STIM2: variants seen among roughly 807,000 people sequenced by gnomAD.
STIM2 encodes stromal interaction molecule 2.
STIM2 carries 31 observed loss-of-function variants against 85.8 expected under a neutral mutation model. The ratio of observed to expected loss-of-function variants is 0.36; its 90% confidence interval spans 0.27 to 0.49. The LOEUF (loss-of-function observed/expected upper bound fraction) is 0.49. Among genes scored for constraint, STIM2 ranks in the 20% least tolerant of loss-of-function variants. STIM2 has a pLI of 0.98. For synonymous variants in STIM2, 356 were observed against 331.1 expected (o/e 1.08, Z -0.82); for missense variants, 841 against 927.6 (o/e 0.91, Z 1.21).
chr4:26,972,234 CT>C (rs1726982215), intron 3 of STIM2, among the ~76,000 whole-genome samples: 1 of 152,146 alleles, frequency 6.6e-6, no homozygotes, highest in Non-Finnish European at 1.5e-5. Flanking sequence ...CCCTTTATTT[CT>C]TTCTCTTGCC....
At position 26,882,401 on chromosome 4, in the gene STIM2, G is replaced by A. The variant is rs543433467; in HGVS notation, c.151+21032G>A. ...AAAGGCCAAGAAGCAATGCCCCCTT[G>A]TAATTCTGGTTTTATCTAGAAACCT... On this transcript the variant is annotated intron_variant, in intron 1 of 11. Transcript: ENST00000467087. 9.1e-4 allele frequency among the ~76,000 whole-genome samples: 138 copies of A among 151,902 alleles called. 1 individual carries two copies. The highest frequency in any genetic ancestry group is 3.2e-3 in the African/African-American group (133 of 41,370).
At chr4:26,873,657 G>T (rs1032604769) in intron 1 of STIM2, 3 of 663,836 alleles carry the variant, frequency 4.5e-6, no homozygotes, top group Non-Finnish European at 5.5e-6. Flanking sequence ...TGAGAGAGAC[G>T]CTCATGTCAC....
intron 10 of STIM2, among the ~76,000 whole-genome samples, chr4:27,009,912 G>A (rs1217442869): frequency 1.3e-5 from 2 of 152,160 alleles, no homozygotes; most frequent in Non-Finnish European, 2.9e-5. Flanking sequence ...TAAAATCCGT[G>A]TTTAATATCT....
intron 2 of STIM2, 94 bp downstream of exon 2, chr4:26,919,728 C>T (rs932629025): frequency 5.4e-5 from 75 of 1,397,582 alleles, no homozygotes; most frequent in Non-Finnish European, 6.5e-5. Flanking sequence ...TCATGTGGCT[C>T]ATTGCCTTCA....
chr4:26,871,464 A>C (rs1560188667), intron 1 of STIM2, among the ~76,000 whole-genome samples: 3 of 152,152 alleles, frequency 2.0e-5, no homozygotes, highest in Non-Finnish European at 4.4e-5. Flanking sequence ...AAATTTTGCT[A>C]TTAAATATTC....
intron 1 of STIM2, among the ~76,000 whole-genome samples, chr4:26,885,855 A>ATATATATATATATATATATG (rs1387148888): frequency 9.0e-6 from 1 of 111,274 alleles, no homozygotes; most frequent in Non-Finnish European, 1.8e-5. Context: ...ATATATATAT[A>ATATATATATATATATATATG]TATATATATA....
At chr4:27,013,480 G>T (rs1293674141) in intron 10 of STIM2, among the ~76,000 whole-genome samples, 1 of 151,936 alleles carries the variant, frequency 6.6e-6, no homozygotes, top group Non-Finnish European at 1.5e-5. Context: ...GGATAAGGGG[G>T]AATACTATAC....
At chr4:26,966,444 G>A (rs773801741) in intron 3 of STIM2, among the ~76,000 whole-genome samples, 4 of 152,104 alleles carry the variant, frequency 2.6e-5, no homozygotes, top group Non-Finnish European at 5.9e-5. Flanking sequence ...GGACTTGTTT[G>A]TTGAGAATGA....
chr4:26,947,219 C>T (rs926721059), intron 2 of STIM2, among the ~76,000 whole-genome samples: 30 of 152,128 alleles, frequency 2.0e-4, no homozygotes, highest in African/African-American at 7.2e-4. Context: ...CTTCTTTCAT[C>T]TCTGTCTCTC....
intron 3 of STIM2, 46 bp downstream of exon 3, chr4:26,957,772 A>G: frequency 8.3e-7 from 1 of 1,209,692 alleles, no homozygotes; most frequent in Non-Finnish European, 1.2e-6. Context: ...CTGCACATCT[A>G]GCCTGCTTAG....
At chr4:27,007,459 T>C in intron 7 of STIM2, 74 bp from the exon 8 acceptor site, 1 of 1,079,694 alleles carries the variant, frequency 9.3e-7, no homozygotes, top group Non-Finnish European at 1.3e-6. Context: ...TTTTTTAGTT[T>C]GGGTTCTAAA....
At chr4:26,918,801 A>G (rs1724688897) in intron 1 of STIM2, among the ~76,000 whole-genome samples, 1 of 152,204 alleles carries the variant, frequency 6.6e-6, no homozygotes, top group Non-Finnish European at 1.5e-5. Context: ...TGACAACCTG[A>G]ATGTGAGGAT....
intron 3 of STIM2, among the ~76,000 whole-genome samples, chr4:26,965,526 C>A (rs911548565): frequency 7.9e-5 from 12 of 152,094 alleles, no homozygotes; most frequent in Admixed American, 2.0e-4. Flanking sequence ...CAGTAAGTTG[C>A]TGATTGCTCT....
chr4:27,000,725 G>A (rs1469674896), intron 5 of STIM2, among the ~76,000 whole-genome samples: 1 of 152,018 alleles, frequency 6.6e-6, no homozygotes, highest in Non-Finnish European at 1.5e-5. Context: ...TCTTAGAATG[G>A]TTGAGTGAAT....
chr4:27,019,725 T>C, intron 11 of STIM2: 5 of 344,098 alleles, frequency 1.5e-5, no homozygotes, highest in South Asian at 1.2e-4. Context: ...GTTGGAATGT[T>C]CTATGCCTTA....
intron 1 of STIM2, among the ~76,000 whole-genome samples, chr4:26,885,849 A>ATATG (rs1560194611): frequency 2.3e-5 from 1 of 43,894 alleles, no homozygotes; most frequent in Non-Finnish European, 4.2e-5. Context: ...ATATATATAT[A>ATATG]TATATATATA....
chr4:26,974,887 A>G (rs1187496877), intron 3 of STIM2, among the ~76,000 whole-genome samples: 1 of 152,000 alleles, frequency 6.6e-6, no homozygotes, highest in Admixed American at 6.5e-5. Context: ...TCAAATGTAG[A>G]TTTGGTCTTT....
intron 11 of STIM2, among the ~76,000 whole-genome samples, chr4:27,018,692 G>T (rs1016071714): frequency 6.6e-6 from 1 of 152,190 alleles, no homozygotes; most frequent in Non-Finnish European, 1.5e-5. Context: ...CATGTAGGTA[G>T]ATATTTTGAG....
chr4:26,975,611 C>G (rs1037751078), intron 3 of STIM2, among the ~76,000 whole-genome samples: 3 of 152,182 alleles, frequency 2.0e-5, no homozygotes, highest in Admixed American at 1.3e-4. Context: ...GCTGCCTGAT[C>G]CTTTCTCTGG....
Sources: gnomAD v4.1 joint callset for allele counts (sites outside exome capture counted in the v4.1 genomes callset) on GRCh38, gnomAD v4.1.1 for gene constraint, MANE v1.5 for transcripts, NCBI Gene and HGNC (gene_info 2026-07-23, HGNC 2026-07-21) for gene names.